The following SLC4A7 variants were observed in gnomAD, a reference collection of about 807,000 sequenced individuals.
The protein encoded by SLC4A7 is sodium bicarbonate cotransporter 3.
SLC4A7 carries 51 observed loss-of-function variants against 137.6 expected under a neutral mutation model. The ratio of observed to expected loss-of-function variants is 0.37; its 90% confidence interval spans 0.30 to 0.47. The LOEUF (loss-of-function observed/expected upper bound fraction) is 0.47, where lower values mean the gene tolerates loss of function less well. Among genes scored for constraint, SLC4A7 ranks in the 20% least tolerant of loss-of-function variants. The pLI, the probability that SLC4A7 is intolerant of heterozygous loss-of-function variation, is 1.00. For missense variants in SLC4A7, 1,247 were observed against 1,525.4 expected (o/e 0.82, Z 3.04); for synonymous variants, 542 against 518.6 (o/e 1.05, Z -0.61).
At chr3:27,447,339 T>C (rs76736320) in intron 3 of SLC4A7, among the ~76,000 whole-genome samples, 2 of 152,192 alleles carry the variant, frequency 1.3e-5, no homozygotes, top group Non-Finnish European at 2.9e-5. Flanking sequence ...GTCTAGGGCT[T>C]GGTAGAATGT....
At chr3:27,483,965 A>C in intron 1 of SLC4A7, 102 bp downstream of exon 1, 1 of 900,730 alleles carries the variant, frequency 1.1e-6, no homozygotes. Flanking sequence ...CGGGCCTGGG[A>C]CGAGGTGGCC....
At chr3:27,471,480 C>T (rs77037289) in intron 1 of SLC4A7, among the ~76,000 whole-genome samples, 28,404 of 152,110 alleles carry the variant, frequency 0.19, 3,006 homozygotes, top group Non-Finnish European at 0.25. Context: ...TCTCAGTTCA[C>T]CACAACCTCT....
chr3:27,397,657 C>T, intron 18 of SLC4A7, 27 bp downstream of exon 18: 1 of 1,138,024 alleles, frequency 8.8e-7, no homozygotes, highest in Non-Finnish European at 1.3e-6. Flanking sequence ...TCCCAAGTAA[C>T]AAATAGCCAC....
chr3:27,413,089 A>G (rs1309101051), intron 11 of SLC4A7, among the ~76,000 whole-genome samples: 1 of 152,200 alleles, frequency 6.6e-6, no homozygotes, highest in African/African-American at 2.4e-5. Context: ...AAACAAAAAA[A>G]GGAAAGAGGC....
chr3:27,474,201 G>A (rs1313971215), intron 1 of SLC4A7, among the ~76,000 whole-genome samples: 1 of 152,058 alleles, frequency 6.6e-6, no homozygotes, highest in African/African-American at 2.4e-5. Context: ...GTCTTAGGAG[G>A]TAAAATTTGT....
chr3:27,481,611 A>G (rs1464475095), intron 1 of SLC4A7, among the ~76,000 whole-genome samples: 2 of 152,170 alleles, frequency 1.3e-5, no homozygotes, highest in African/African-American at 4.8e-5. Flanking sequence ...CCTGTTTTCA[A>G]ATCAGTTCAA....
At chr3:27,440,420 T>C (rs1434243152) in intron 3 of SLC4A7, among the ~76,000 whole-genome samples, 1 of 152,084 alleles carries the variant, frequency 6.6e-6, no homozygotes, top group African/African-American at 2.4e-5. Context: ...TCTAGGATAA[T>C]ATTCCCACTC....
At chr3:27,421,026 C>T (rs945135584) in intron 9 of SLC4A7, among the ~76,000 whole-genome samples, 1 of 151,978 alleles carries the variant, frequency 6.6e-6, no homozygotes, top group Non-Finnish European at 1.5e-5. Context: ...AACTCCTGAC[C>T]TCAGGTGATC....
In SLC4A7 at chr3:27,406,653, G is replaced by A. The variant is rs1576261162; in HGVS notation, c.1942-1690C>T. Among the ~76,000 whole-genome samples, 3 of 152,214 alleles carry A rather than the reference G, an allele frequency of 2.0e-5. No homozygotes were observed. The South Asian group carries it at 6.2e-4, about 31-fold the overall frequency. On this transcript the variant is annotated intron_variant, in intron 13 of 25. Coordinates refer to ENST00000454389, the MANE Select transcript of SLC4A7 (RefSeq NM_001321103.2). ...AAGTCAAAGGAAAAAAATGGGCCGG[G>A]CACCATGGCTCACGCCTATAACACA... is the stretch of plus-strand genomic sequence containing the variant.
chr3:27,399,062 A>G (rs767194118), intron 16 of SLC4A7, among the ~76,000 whole-genome samples: 5 of 151,784 alleles, frequency 3.3e-5, no homozygotes, highest in South Asian at 4.1e-4. Flanking sequence ...ACATGCCACT[A>G]AAGTTCTCCT....
intron 24 of SLC4A7, among the ~76,000 whole-genome samples, chr3:27,382,433 A>AGCCTC (rs1292644371): frequency 1.3e-5 from 2 of 152,056 alleles, no homozygotes; most frequent in Non-Finnish European, 2.9e-5. Flanking sequence ...TGATTTCTCT[A>AGCCTC]GCTAATCAGA....
chr3:27,389,530 C>T (rs539892750), intron 22 of SLC4A7, among the ~76,000 whole-genome samples: 4 of 152,144 alleles, frequency 2.6e-5, no homozygotes, highest in South Asian at 2.1e-4. Flanking sequence ...TTAAAGTCAT[C>T]GGTAGCCTTC....
At chr3:27,416,086 C>T (rs553278569) in intron 11 of SLC4A7, among the ~76,000 whole-genome samples, 4 of 152,138 alleles carry the variant, frequency 2.6e-5, no homozygotes, top group Admixed American at 2.0e-4. Flanking sequence ...CCTATGAGTC[C>T]CATGTTGTTA....
chr3:27,464,568 C>T (rs1050452897), intron 1 of SLC4A7, among the ~76,000 whole-genome samples: 8 of 152,096 alleles, frequency 5.3e-5, no homozygotes, highest in African/African-American at 9.6e-5. Flanking sequence ...TGGTGGCGGG[C>T]GCCTTTACCA....
At chr3:27,450,769 A>G (rs775777702) in intron 2 of SLC4A7, among the ~76,000 whole-genome samples, 3 of 152,016 alleles carry the variant, frequency 2.0e-5, no homozygotes, top group African/African-American at 7.2e-5. Flanking sequence ...CCTCTGTTTT[A>G]ATCTTTTTCT....
chr3:27,437,020 T>C (rs1344413044), intron 4 of SLC4A7, among the ~76,000 whole-genome samples: 1 of 152,148 alleles, frequency 6.6e-6, no homozygotes, highest in African/African-American at 2.4e-5. Context: ...AACTTAATAT[T>C]CCCATTACAA....
rs115221239 is a variant in SLC4A7, at chr3:27,471,954, C to T, written c.60+12113G>A. 6.3e-3 allele frequency among the ~76,000 whole-genome samples: 962 copies of T among 152,304 alleles called. 6 individuals are homozygous for T. The highest frequency in any genetic ancestry group is 9.6e-3 in the Non-Finnish European group (650 of 68,022). ...TGAAAATATTATCATTCTGGCTTTACATGAAAATCTTCTCAATGAACAGTA... is the reference window on the plus strand; with the variant it reads ...TGAAAATATTATCATTCTGGCTTTATATGAAAATCTTCTCAATGAACAGTA... On this transcript the variant is annotated intron_variant, in intron 1 of 25. Transcript: ENST00000454389.
chr3:27,386,131 T>G, intron 22 of SLC4A7, 108 bp from the exon 23 acceptor site: 1 of 768,502 alleles, frequency 1.3e-6, no homozygotes, highest in Admixed American at 3.1e-5. Flanking sequence ...TCATATAGTT[T>G]AAAAATTATT....
intron 1 of SLC4A7, among the ~76,000 whole-genome samples, chr3:27,467,645 C>T (rs1192656504): frequency 1.3e-5 from 2 of 152,150 alleles, no homozygotes; most frequent in Non-Finnish European, 2.9e-5. Flanking sequence ...ACAGCCAGTC[C>T]ACTCCTTTCA....
Sources: gnomAD v4.1 joint callset for allele counts (sites outside exome capture counted in the v4.1 genomes callset) on GRCh38, gnomAD v4.1.1 for gene constraint, MANE v1.5 for transcripts, NCBI Gene and HGNC (gene_info 2026-07-23, HGNC 2026-07-21) for gene names.